The following PID1 variants were observed in gnomAD, a reference collection of about 807,000 sequenced individuals.
PID1 encodes PTB-containing, cubilin and LRP1-interacting protein.
In PID1, 10 loss-of-function variants were observed where a neutral mutation model predicts 19.1. That is an observed-to-expected ratio of 0.52 (90% confidence interval 0.32 to 0.89). The LOEUF (loss-of-function observed/expected upper bound fraction) is 0.89, where lower values mean the gene tolerates loss of function less well. Among genes scored for constraint, PID1 ranks in the 40% least tolerant of loss-of-function variants. PID1 has a pLI of 0.03. For missense variants in PID1, 248 were observed against 285.3 expected, an observed-to-expected ratio of 0.87 and a Z score of 0.94; for synonymous variants, 130 against 116.0, an observed-to-expected ratio of 1.12 and a Z score of -0.78.
chr2:229,237,342 G>C (rs1689733776), intron 1 of PID1, among the ~76,000 whole-genome samples: 1 of 152,172 alleles, frequency 6.6e-6, no homozygotes. Flanking sequence ...TGGTGGACAA[G>C]AGAAGCAAAC....
At chr2:229,031,209 C>T (rs1388870355) in intron 2 of PID1, among the ~76,000 whole-genome samples, 2 of 26,930 alleles carry the variant, frequency 7.4e-5, no homozygotes, top group Non-Finnish European at 1.5e-4. Flanking sequence ...TAACGAGACT[C>T]TGTCTCAAAA....
intron 2 of PID1, among the ~76,000 whole-genome samples, chr2:229,053,657 A>C (rs773069419): frequency 6.6e-6 from 1 of 152,320 alleles, no homozygotes; most frequent in East Asian, 1.9e-4. Context: ...GACTGAGAGA[A>C]GTTAACTTTT....
At chr2:229,156,821 C>T (rs988962243) in intron 1 of PID1, among the ~76,000 whole-genome samples, 1 of 152,176 alleles carries the variant, frequency 6.6e-6, no homozygotes, top group Non-Finnish European at 1.5e-5. Flanking sequence ...ATTCAAGGAC[C>T]TACTACCTCT....
rs193157231 is a variant in PID1, at chr2:229,230,870, A to G, written c.30+40144T>C. Among the ~76,000 whole-genome samples, 433 of 152,332 alleles carry G rather than the reference A, an allele frequency of 2.8e-3. 2 individuals are homozygous for G. The highest frequency in any genetic ancestry group is 4.0e-3 in the Non-Finnish European group (273 of 68,036). On this transcript the variant is annotated intron_variant, in intron 1 of 2. Coordinates refer to ENST00000392055, the MANE Select transcript of PID1 (RefSeq NM_001100818.2). Reference sequence around the variant, plus strand: ...ATAAACACAATATAAAATATAGAATATAAGTATAGAAAATATATTACTCAT... The same window carrying G: ...ATAAACACAATATAAAATATAGAATGTAAGTATAGAAAATATATTACTCAT...
intron 1 of PID1, among the ~76,000 whole-genome samples, chr2:229,250,270 A>C (rs1690114869): frequency 1.3e-5 from 2 of 152,238 alleles, no homozygotes; most frequent in South Asian, 4.1e-4. Flanking sequence ...ACTTCTGAGT[A>C]CTCAGATGCA....
At chr2:229,214,392 C>A (rs1691801783) in intron 1 of PID1, among the ~76,000 whole-genome samples, 1 of 152,094 alleles carries the variant, frequency 6.6e-6, no homozygotes, top group Admixed American at 6.5e-5. Context: ...TGCTGAGGGT[C>A]CAGTGAGCTG....
intron 2 of PID1, among the ~76,000 whole-genome samples, chr2:229,082,127 C>T (rs1242304368): frequency 1.3e-5 from 2 of 152,220 alleles, no homozygotes; most frequent in Non-Finnish European, 1.5e-5. Flanking sequence ...CTTGAGATGT[C>T]ACCATGATAC....
intron 1 of PID1, among the ~76,000 whole-genome samples, chr2:229,187,884 C>G (rs1369056563): frequency 2.6e-5 from 4 of 152,190 alleles, no homozygotes; most frequent in East Asian, 1.9e-4. Flanking sequence ...TTTTGCCCCT[C>G]TCTCATAAAC....
chr2:229,097,626 A>T (rs1308940265), intron 2 of PID1, among the ~76,000 whole-genome samples: 2 of 152,186 alleles, frequency 1.3e-5, no homozygotes, highest in African/African-American at 2.4e-5. Context: ...TAAAGACTGA[A>T]GCATAATTAG....
chr2:229,108,904 G>A (rs138497009), intron 2 of PID1, among the ~76,000 whole-genome samples: 2 of 152,202 alleles, frequency 1.3e-5, no homozygotes, highest in African/African-American at 4.8e-5. Context: ...GAGGCTGTGA[G>A]TACCTGAGTA....
At chr2:229,182,702 T>C (rs780123382) in intron 1 of PID1, among the ~76,000 whole-genome samples, 3 of 152,208 alleles carry the variant, frequency 2.0e-5, no homozygotes, top group Admixed American at 6.5e-5. Flanking sequence ...TTCCCTTTCA[T>C]ACACTACACT....
intron 2 of PID1, among the ~76,000 whole-genome samples, chr2:229,130,659 A>G (rs1425193897): frequency 1.3e-5 from 2 of 152,070 alleles, no homozygotes; most frequent in Non-Finnish European, 1.5e-5. Flanking sequence ...CACCTCCCCC[A>G]CTAGACTGTG....
intron 1 of PID1, among the ~76,000 whole-genome samples, chr2:229,216,265 C>G (rs116483855): frequency 6.6e-6 from 1 of 152,178 alleles, no homozygotes; most frequent in Non-Finnish European, 1.5e-5. Context: ...CCCGGGGGCA[C>G]GTGCATCTAC....
intron 2 of PID1, among the ~76,000 whole-genome samples, chr2:229,114,576 A>G (rs1379046454): frequency 6.6e-6 from 1 of 152,146 alleles, no homozygotes; most frequent in Non-Finnish European, 1.5e-5. Flanking sequence ...CACTAGATGC[A>G]ACTTCATGCT....
chr2:229,052,988 G>C (rs187354224), intron 2 of PID1, among the ~76,000 whole-genome samples: 2 of 152,208 alleles, frequency 1.3e-5, no homozygotes, highest in African/African-American at 4.8e-5. Context: ...TATTATGAAA[G>C]CTGTATTTAA....
chr2:229,260,066 A>G (rs139774917), intron 1 of PID1, among the ~76,000 whole-genome samples: 1 of 152,290 alleles, frequency 6.6e-6, no homozygotes, highest in East Asian at 1.9e-4. Context: ...ACACTAGTGA[A>G]CTATCTTCTC....
intron 1 of PID1, among the ~76,000 whole-genome samples, chr2:229,245,266 C>T (rs1416219189): frequency 6.6e-5 from 10 of 152,134 alleles, no homozygotes; most frequent in Non-Finnish European, 1.5e-4. Flanking sequence ...TGCCTCCCTA[C>T]TCCCAAACAA....
At chr2:229,069,017 A>C (rs547479011) in intron 2 of PID1, among the ~76,000 whole-genome samples, 1 of 152,022 alleles carries the variant, frequency 6.6e-6, no homozygotes, top group East Asian at 1.9e-4. Context: ...TCTCTCTTTG[A>C]GGAAGAATAT....
chr2:229,083,313 G>T (rs774063715), intron 2 of PID1, among the ~76,000 whole-genome samples: 1 of 152,138 alleles, frequency 6.6e-6, no homozygotes, highest in Non-Finnish European at 1.5e-5. Context: ...GCACACCTAG[G>T]CCAAGAGTGC....
Sources: allele counts gnomAD v4.1 joint callset (sites outside exome capture counted in the v4.1 genomes callset), GRCh38; gene constraint gnomAD v4.1.1; transcripts MANE v1.5; gene names NCBI Gene and HGNC (gene_info 2026-07-23, HGNC 2026-07-21).